Variants in SDK1 observed in about 807,000 individuals in gnomAD.
SDK1 encodes protein sidekick-1.
A neutral mutation model predicts 245.5 loss-of-function variants in SDK1; 157 were observed. The observed-to-expected ratio is 0.64, with a 90% confidence interval of 0.56 to 0.73. The LOEUF (loss-of-function observed/expected upper bound fraction) is 0.73. Ranked by LOEUF, SDK1 falls within the 30% of genes least tolerant of loss-of-function variation. SDK1 has a pLI of 0.00. For synonymous variants in SDK1, 1,647 were observed against 1,278.5 expected, an observed-to-expected ratio of 1.29 and a Z score of -6.15; for missense variants, 3,583 against 3,002.3, an observed-to-expected ratio of 1.19 and a Z score of -4.52.
intron 28 of SDK1, among the ~76,000 whole-genome samples, chr7:4,138,689 G>A (rs1242988784): frequency 1.3e-5 from 2 of 149,754 alleles, no homozygotes; most frequent in Non-Finnish European, 2.9e-5. Context: ...AGAGGTTGCA[G>A]TATAGCCGAG....
chr7:3,720,438 CAA>C (rs1321487125), intron 4 of SDK1, among the ~76,000 whole-genome samples: 1 of 152,018 alleles, frequency 6.6e-6, no homozygotes, highest in African/African-American at 2.4e-5. Flanking sequence ...GATATTTCAC[CAA>C]AGAGGATATA....
intron 1 of SDK1, among the ~76,000 whole-genome samples, chr7:3,425,181 T>G (rs1779642084): frequency 1.3e-5 from 2 of 151,984 alleles, no homozygotes; most frequent in African/African-American, 4.8e-5. Flanking sequence ...TACCTTCTGT[T>G]TTTCTTCCCC....
At chr7:3,902,100 A>G (rs10245891) in intron 5 of SDK1, among the ~76,000 whole-genome samples, 4,792 of 152,266 alleles carry the variant, frequency 0.031, 278 homozygotes, top group African/African-American at 0.11. Flanking sequence ...TTTGAGTGCA[A>G]TATGATATTT....
At chr7:3,807,523 G>C (rs748575739) in intron 4 of SDK1, among the ~76,000 whole-genome samples, 2 of 152,160 alleles carry the variant, frequency 1.3e-5, no homozygotes, top group African/African-American at 4.8e-5. Context: ...GCCAGTGGGG[G>C]TATCTGATTG....
At chr7:4,169,948 C>T (rs767329846) in intron 32 of SDK1, among the ~76,000 whole-genome samples, 8 of 152,194 alleles carry the variant, frequency 5.3e-5, no homozygotes, top group Non-Finnish European at 1.0e-4. Context: ...CCATGGAGAA[C>T]ACTTCCTTGG....
rs552903646 is a variant in SDK1, at chr7:3,716,886, C to T, written c.713+74781C>T. ...AGAAGAAAATGATCAGAGAAGAAGG[C>T]TTGCAACTACAGAAAAGAAAGAAGA... On this transcript the variant is annotated intron_variant, in intron 4 of 44. Transcript: ENST00000404826. 3.3e-5 allele frequency among the ~76,000 whole-genome samples: 5 copies of T among 151,710 alleles called. No individual in the cohort carries two copies. In the South Asian group the frequency reaches 1.0e-3, roughly 32 times the overall value.
At chr7:3,656,986 A>G (rs1235622322) in intron 4 of SDK1, among the ~76,000 whole-genome samples, 1 of 151,898 alleles carries the variant, frequency 6.6e-6, no homozygotes, top group African/African-American at 2.4e-5. Flanking sequence ...TGACCTCATG[A>G]TCCACCCGCC....
intron 1 of SDK1, among the ~76,000 whole-genome samples, chr7:3,335,468 G>A (rs999783074): frequency 6.6e-6 from 1 of 151,464 alleles, no homozygotes; most frequent in African/African-American, 2.4e-5. Flanking sequence ...TTCATAGGTA[G>A]GAATGTTATT....
chr7:3,597,808 T>C (rs1781114659), intron 1 of SDK1, among the ~76,000 whole-genome samples: 1 of 152,224 alleles, frequency 6.6e-6, no homozygotes, highest in African/African-American at 2.4e-5. Flanking sequence ...GATTCCTCGA[T>C]GGTGCTGAGT....
intron 4 of SDK1, among the ~76,000 whole-genome samples, chr7:3,786,426 C>G (rs1446218420): frequency 6.6e-6 from 1 of 152,142 alleles, no homozygotes; most frequent in African/African-American, 2.4e-5. Flanking sequence ...AAAAAACATA[C>G]CAGATAGTTT....
At position 3,588,233 on chromosome 7, in the gene SDK1, G is replaced by A. The variant is rs182518454; in HGVS notation, c.299-30847G>A. On this transcript the variant is annotated intron_variant, in intron 1 of 44. Transcript: ENST00000404826. ...AACATACCTGTTACTTAGGTCAAGAGGGATTTGGTGAAAAGCCTAGCTATG... is the reference window on the plus strand; with the variant it reads ...AACATACCTGTTACTTAGGTCAAGAAGGATTTGGTGAAAAGCCTAGCTATG... Among the ~76,000 whole-genome samples, 368 of 152,294 alleles carry A rather than the reference G, an allele frequency of 2.4e-3. 3 individuals carry two copies. Among genetic ancestry groups the A allele is most frequent in the South Asian group, 0.018 (86 of 4,822 alleles).
chr7:3,409,816 C>G (rs548090839), intron 1 of SDK1, among the ~76,000 whole-genome samples: 2 of 152,148 alleles, frequency 1.3e-5, no homozygotes, highest in South Asian at 4.2e-4. Flanking sequence ...TTTTGACATT[C>G]TTGTGTTTGT....
At chr7:3,601,699 TAA>T (rs1781259165) in intron 1 of SDK1, among the ~76,000 whole-genome samples, 1 of 151,982 alleles carries the variant, frequency 6.6e-6, no homozygotes, top group African/African-American at 2.4e-5. Flanking sequence ...TATTATACTT[TAA>T]GTTTTAGGGT....
intron 1 of SDK1, among the ~76,000 whole-genome samples, chr7:3,577,253 C>T (rs1390710961): frequency 1.3e-5 from 2 of 152,070 alleles, no homozygotes; most frequent in Admixed American, 6.6e-5. Flanking sequence ...CACATGGTCC[C>T]AGTAACAATG....
intron 1 of SDK1, among the ~76,000 whole-genome samples, chr7:3,607,093 GT>G (rs1285466880): frequency 6.6e-6 from 1 of 151,936 alleles, no homozygotes; most frequent in Non-Finnish European, 1.5e-5. Flanking sequence ...AAGTGAAGTG[GT>G]TTGTGAAGCC....
chr7:3,464,810 A>T (rs1780943294), intron 1 of SDK1, among the ~76,000 whole-genome samples: 1 of 151,962 alleles, frequency 6.6e-6, no homozygotes, highest in African/African-American at 2.4e-5. Flanking sequence ...ATGTCGGGAC[A>T]GTCTTTAAAA....
At chr7:3,474,464 C>G (rs1412252658) in intron 1 of SDK1, among the ~76,000 whole-genome samples, 2 of 152,052 alleles carry the variant, frequency 1.3e-5, no homozygotes, top group Admixed American at 6.5e-5. Context: ...TCTCACCACT[C>G]AGTCTCTCCC....
intron 31 of SDK1, among the ~76,000 whole-genome samples, chr7:4,160,094 GTTAATCTAC>G (rs1392602297): frequency 1.3e-5 from 2 of 152,240 alleles, no homozygotes; most frequent in Non-Finnish European, 2.9e-5. Flanking sequence ...AGCCTTTCCG[GTTAATCTAC>G]TTAAAGTGGG....
chr7:4,154,319 C>G (rs1446169359), intron 30 of SDK1, among the ~76,000 whole-genome samples: 1 of 152,132 alleles, frequency 6.6e-6, no homozygotes, highest in East Asian at 1.9e-4. Flanking sequence ...ATAGCAAGTT[C>G]AGAGAGTGAG....
Sources: allele counts gnomAD v4.1 joint callset (sites outside exome capture counted in the v4.1 genomes callset), GRCh38; gene constraint gnomAD v4.1.1; transcripts MANE v1.5; gene names NCBI Gene and HGNC (gene_info 2026-07-23, HGNC 2026-07-21).